The following SLC10A7 variants were observed in gnomAD, a reference collection of about 807,000 sequenced individuals.
The protein encoded by SLC10A7 is sodium/bile acid cotransporter 7.
Under a neutral mutation model 43.2 loss-of-function variants are expected in SLC10A7, and 29 were observed. The ratio of observed to expected loss-of-function variants is 0.67; its 90% CI spans 0.50 to 0.92. SLC10A7 has a LOEUF of 0.92. Ranked by LOEUF, SLC10A7 falls within the 40% of genes least tolerant of loss-of-function variation. The probability of loss-of-function intolerance (pLI) is 0.00; values close to 1 mark genes in which losing one functional copy is unlikely to be tolerated. For synonymous variants in SLC10A7, 152 were observed against 144.8 expected (o/e 1.05, Z -0.35); for missense variants, 295 against 403.2 (o/e 0.73, Z 2.30).
chr4:146,498,028 G>T (rs914294441), intron 4 of SLC10A7, among the ~76,000 whole-genome samples: 3 of 151,262 alleles, frequency 2.0e-5, no homozygotes, highest in Non-Finnish European at 4.4e-5. Context: ...TTTATCTTTT[G>T]CCTCCCATGT....
chr4:146,368,617 T>C (rs6846846), intron 5 of SLC10A7, among the ~76,000 whole-genome samples: 21,097 of 152,130 alleles, frequency 0.14, 1,507 homozygotes, highest in Non-Finnish European at 0.15. Flanking sequence ...TTAAAAACCA[T>C]AAAAGAATAC....
Position 146,350,759 on chromosome 4 carries a change from C to G in SLC10A7, c.436-24763G>C, listed in dbSNP as rs1324149834. ...GAGCAGCCTAACTGGGAGGCACCCC[C>G]CAGCAGGGGCACACTGACACCTCAC... On this transcript the variant is annotated intron_variant, in intron 5 of 11. Transcript: ENST00000335472. Among the ~76,000 whole-genome samples the G allele has an allele frequency of 6.6e-5, 6 of 91,460 alleles. No homozygotes were observed. In the East Asian group the frequency reaches 1.2e-3, roughly 18 times the overall value. 60.0% of individuals were successfully genotyped at this position (91,460 alleles called of 152,430 possible).
intron 5 of SLC10A7, among the ~76,000 whole-genome samples, chr4:146,342,456 T>A (rs1734332426): frequency 6.6e-6 from 1 of 151,724 alleles, no homozygotes. Context: ...GAAATAAATA[T>A]CTGTTTTGGA....
chr4:146,391,002 T>C (rs1265665157), intron 5 of SLC10A7, among the ~76,000 whole-genome samples: 2 of 152,184 alleles, frequency 1.3e-5, no homozygotes, highest in Non-Finnish European at 2.9e-5. Context: ...GAGAGCTAGA[T>C]AGTGAAGCTG....
chr4:146,463,259 C>T (rs1472574144), intron 4 of SLC10A7, among the ~76,000 whole-genome samples: 1 of 151,966 alleles, frequency 6.6e-6, no homozygotes, highest in Non-Finnish European at 1.5e-5. Context: ...GACTAACTTG[C>T]ATTGGGAGGA....
chr4:146,317,575 T>C (rs1036429851), intron 6 of SLC10A7, among the ~76,000 whole-genome samples: 1 of 152,052 alleles, frequency 6.6e-6, no homozygotes, highest in Admixed American at 6.6e-5. Context: ...GTCTGGAAGA[T>C]ATTAGCATTT....
At chr4:146,278,490 C>G (rs1048747369) in intron 10 of SLC10A7, among the ~76,000 whole-genome samples, 3 of 152,106 alleles carry the variant, frequency 2.0e-5, no homozygotes, top group Non-Finnish European at 2.9e-5. Flanking sequence ...AACTTCCAAT[C>G]AAATGGAAAA....
At chr4:146,471,190 A>G (rs766874315) in intron 4 of SLC10A7, among the ~76,000 whole-genome samples, 2 of 152,166 alleles carry the variant, frequency 1.3e-5, no homozygotes, top group Non-Finnish European at 2.9e-5. Context: ...AGCATTTTCT[A>G]TGAGTGTCAT....
intron 1 of SLC10A7, among the ~76,000 whole-genome samples, chr4:146,520,717 A>G (rs534099142): frequency 6.6e-6 from 1 of 152,216 alleles, no homozygotes; most frequent in Non-Finnish European, 1.5e-5. Context: ...CGGTTGCATG[A>G]GTTAGGTATT....
rs185098601 is a variant in SLC10A7, at chr4:146,396,590, G to A, written c.435+46193C>T. Reference sequence around the variant, plus strand: ...AAAATCAAATTTAGTTCAATCAGTTGCAGCACATTTTTTAAAAATAAAAAC... The same window carrying A: ...AAAATCAAATTTAGTTCAATCAGTTACAGCACATTTTTTAAAAATAAAAAC... On this transcript the variant is annotated intron_variant, in intron 5 of 11. Coordinates refer to ENST00000335472, the MANE Select transcript of SLC10A7 (RefSeq NM_001029998.6). 4.2e-3 allele frequency among the ~76,000 whole-genome samples: 635 copies of A among 151,974 alleles called. 3 individuals are homozygous for A. The highest frequency in any genetic ancestry group is 0.014 in the African/African-American group (582 of 41,488).
chr4:146,285,615 G>C (rs1219089902), intron 9 of SLC10A7, among the ~76,000 whole-genome samples: 3 of 152,268 alleles, frequency 2.0e-5, no homozygotes, highest in Admixed American at 6.5e-5. Context: ...TGCTTTGAGA[G>C]AGAAGGAAGA....
chr4:146,295,791 A>G (rs1384533326), intron 7 of SLC10A7, among the ~76,000 whole-genome samples: 1 of 152,264 alleles, frequency 6.6e-6, no homozygotes. Flanking sequence ...AAATAAATGG[A>G]AATTACATGA....
intron 10 of SLC10A7, among the ~76,000 whole-genome samples, chr4:146,268,328 G>A (rs990683089): frequency 2.0e-5 from 3 of 152,066 alleles, no homozygotes; most frequent in African/African-American, 7.2e-5. Context: ...TCCAAAAAGA[G>A]GAATCAGGCC....
At chr4:146,518,361 TG>T (rs1274658245) in intron 1 of SLC10A7, among the ~76,000 whole-genome samples, 1 of 152,152 alleles carries the variant, frequency 6.6e-6, no homozygotes, top group Non-Finnish European at 1.5e-5. Context: ...TAACATCTAG[TG>T]GGTAGAGATC....
intron 5 of SLC10A7, among the ~76,000 whole-genome samples, chr4:146,433,673 C>G (rs1729966938): frequency 6.6e-6 from 1 of 151,850 alleles, no homozygotes; most frequent in Non-Finnish European, 1.5e-5. Context: ...CAACACCAGC[C>G]TGGGCAACAT....
At chr4:146,511,837 C>G (rs887581083) in intron 2 of SLC10A7, among the ~76,000 whole-genome samples, 2 of 152,198 alleles carry the variant, frequency 1.3e-5, no homozygotes, top group East Asian at 3.9e-4. Context: ...TTCTCAACAG[C>G]CTTGAAGCCA....
intron 5 of SLC10A7, among the ~76,000 whole-genome samples, chr4:146,379,801 A>G (rs957959336): frequency 1.3e-5 from 2 of 152,172 alleles, no homozygotes; most frequent in African/African-American, 4.8e-5. Flanking sequence ...TGAGTATTAT[A>G]TCAGATATAT....
intron 5 of SLC10A7, among the ~76,000 whole-genome samples, chr4:146,336,348 A>T (rs934133663): frequency 6.6e-6 from 1 of 152,118 alleles, no homozygotes; most frequent in Non-Finnish European, 1.5e-5. Context: ...GAGTGAACCC[A>T]CGCTGGCTTC....
At chr4:146,358,073 C>CAA (rs57927989) in intron 5 of SLC10A7, among the ~76,000 whole-genome samples, 1,765 of 134,070 alleles carry the variant, frequency 0.013, 43 homozygotes, top group African/African-American at 0.044. Context: ...AGCACCCCCA[C>CAA]AAAAAAAAAA....
Sources: gnomAD v4.1 joint callset for allele counts (sites outside exome capture counted in the v4.1 genomes callset) on GRCh38, gnomAD v4.1.1 for gene constraint, MANE v1.5 for transcripts, NCBI Gene and HGNC (gene_info 2026-07-23, HGNC 2026-07-21) for gene names.